The following CPED1 variants were observed in gnomAD, a reference collection of about 807,000 sequenced individuals.
CPED1 encodes cadherin-like and PC-esterase domain-containing protein 1.
Under a neutral mutation model 128.2 loss-of-function variants are expected in CPED1, and 114 were observed. That is an observed-to-expected ratio of 0.89 (90% CI 0.76 to 1.04). The LOEUF is 1.04. Among genes scored for constraint, CPED1 ranks in the 50% least tolerant of loss-of-function variants. The probability of loss-of-function intolerance (pLI) is 0.00; values close to 1 mark genes in which losing one functional copy is unlikely to be tolerated. For missense variants in CPED1, 1,211 were observed against 1,207.1 expected (o/e 1.00, Z -0.05); for synonymous variants, 462 against 426.7 (o/e 1.08, Z -1.02).
At chr7:121,180,189 T>C (rs1226929924) in intron 16 of CPED1, among the ~76,000 whole-genome samples, 1 of 152,040 alleles carries the variant, frequency 6.6e-6, no homozygotes, top group African/African-American at 2.4e-5. Flanking sequence ...CTGCAAGAGA[T>C]GTGTGTGATG....
At position 121,124,329 on chromosome 7, in the gene CPED1, A is replaced by G; in HGVS notation, c.919-2A>G. On this transcript the variant is annotated splice_acceptor_variant, in intron 7 of 22. Transcript: ENST00000310396. LOFTEE classifies it high-confidence loss of function. The stretch of plus-strand genomic sequence containing the variant: ...CACGTGAATCCTTTACTTTGTTCAC[A>G]GCTGCAAACATTTTTTGAGACATTC... 1 of 1,604,286 alleles carries G rather than the reference A, an allele frequency of 6.2e-7. No individual in the cohort carries two copies. Among genetic ancestry groups the G allele is most frequent in the Non-Finnish European group, 8.5e-7 (1 of 1,176,126 alleles).
chr7:121,172,661 C>G (rs201732410), intron 16 of CPED1, among the ~76,000 whole-genome samples: 1,786 of 145,316 alleles, frequency 0.012, 20 homozygotes, highest in Non-Finnish European at 0.016. Flanking sequence ...TGGATGGATA[C>G]ATAGATAGAT....
intron 7 of CPED1, among the ~76,000 whole-genome samples, chr7:121,102,411 G>A (rs1563026422): frequency 6.6e-6 from 1 of 151,972 alleles, no homozygotes; most frequent in Non-Finnish European, 1.5e-5. Context: ...CAAGGAGAAG[G>A]GACAGAATGT....
At chr7:121,245,520 C>T (rs549472861) in intron 18 of CPED1, among the ~76,000 whole-genome samples, 16 of 152,044 alleles carry the variant, frequency 1.1e-4, no homozygotes, top group South Asian at 2.1e-4. Context: ...TAATTTTTGA[C>T]GCAGAATAGT....
At chr7:120,991,087 A>C (rs1796302729) in intron 2 of CPED1, among the ~76,000 whole-genome samples, 1 of 152,242 alleles carries the variant, frequency 6.6e-6, no homozygotes, top group South Asian at 2.1e-4. Context: ...AATAAAAGTC[A>C]ATTCAAAGCC....
At chr7:121,047,268 A>C (rs568666862) in intron 4 of CPED1, among the ~76,000 whole-genome samples, 1 of 152,340 alleles carries the variant, frequency 6.6e-6, no homozygotes, top group Admixed American at 6.5e-5. Context: ...AGTGTTGCTT[A>C]ATCTGACCAC....
chr7:121,256,111 C>CAAAAAAAAAAAAAAAAAAA lies in CPED1; in HGVS notation c.2311-10104_2311-10103insAAAAAAAAAAAAAAAAAAA, dbSNP rs1286167648. On this transcript the variant is annotated intron_variant, in intron 18 of 22. Coordinates refer to ENST00000310396, the MANE Select transcript of CPED1 (RefSeq NM_024913.5). ...CCCTAATAGTTAAAGCAATCCTAAGCAAAAAAAAAAAACAAAACAAAAAAA... is the reference window on the plus strand; with the variant it reads ...CCCTAATAGTTAAAGCAATCCTAAGCAAAAAAAAAAAAAAAAAAAAAAAAAAAAAAACAAAACAAAAAAA... Among the ~76,000 whole-genome samples the CAAAAAAAAAAAAAAAAAAA allele has an allele frequency of 4.1e-4, 14 of 34,146 alleles. 2 individuals are homozygous for CAAAAAAAAAAAAAAAAAAA. The highest frequency in any genetic ancestry group is 1.3e-3 in the African/African-American group (12 of 9,100). 22.4% of individuals were successfully genotyped at this position (34,146 alleles called of 152,430 possible).
At chr7:121,150,675 A>G (rs1467123525) in intron 16 of CPED1, among the ~76,000 whole-genome samples, 3 of 152,050 alleles carry the variant, frequency 2.0e-5, no homozygotes, top group Non-Finnish European at 4.4e-5. Flanking sequence ...CCAACAGCAT[A>G]AGTATTTCCT....
intron 22 of CPED1, among the ~76,000 whole-genome samples, chr7:121,275,051 A>G (rs904780091): frequency 2.0e-5 from 3 of 152,094 alleles, no homozygotes; most frequent in Non-Finnish European, 2.9e-5. Context: ...TTATCTTCTG[A>G]TGTTCAACTA....
At chr7:121,020,687 G>T (rs1233894749) in intron 3 of CPED1, among the ~76,000 whole-genome samples, 20 of 151,784 alleles carry the variant, frequency 1.3e-4, no homozygotes, top group African/African-American at 2.4e-5. Flanking sequence ...GCACCAAACT[G>T]GTTATTCCAC....
chr7:121,107,171 G>T (rs1794997321), intron 7 of CPED1, among the ~76,000 whole-genome samples: 1 of 152,052 alleles, frequency 6.6e-6, no homozygotes. Context: ...AAAACTCCCT[G>T]CAATCTTCCT....
chr7:121,172,889 G>A (rs145528362), intron 16 of CPED1, among the ~76,000 whole-genome samples: 33 of 152,298 alleles, frequency 2.2e-4, no homozygotes, highest in Admixed American at 6.5e-4. Flanking sequence ...GACAGATTTT[G>A]TATTGACAGC....
At chr7:121,169,857 T>A (rs1228922469) in intron 16 of CPED1, among the ~76,000 whole-genome samples, 1 of 152,228 alleles carries the variant, frequency 6.6e-6, no homozygotes, top group African/African-American at 2.4e-5. Context: ...TTTTTTACGT[T>A]GAAGGAACTG....
intron 16 of CPED1, among the ~76,000 whole-genome samples, chr7:121,191,738 T>C (rs1489592851): frequency 6.6e-6 from 1 of 152,062 alleles, no homozygotes; most frequent in South Asian, 2.1e-4. Context: ...TATTTTTAAT[T>C]GGCGAGCTCA....
rs763752333 is a variant in CPED1 at position 121,064,285 on chromosome 7, A to G, written c.588A>G (p.Gly196=). ...AGCAGCCACTTTGCAGAAAGGAAGGATTATGTCAAATAGTTAGAAGATTCC... is the reference window on the plus strand; with the variant it reads ...AGCAGCCACTTTGCAGAAAGGAAGGGTTATGTCAAATAGTTAGAAGATTCC... ...EIQQPLCRKE[G]LCQIVRRFPE... Residue 196 remains glycine (G), a synonymous_variant, in exon 5 of 23, where the codon GGA becomes GGG. Transcript: ENST00000310396. 1.2e-6 allele frequency: 2 copies of G among 1,612,484 alleles called. No individual in the cohort carries two copies. Among genetic ancestry groups the G allele is most frequent in the South Asian group, 2.2e-5 (2 of 91,034 alleles).
chr7:121,096,831 A>G (rs186480845), intron 5 of CPED1, among the ~76,000 whole-genome samples: 1 of 152,158 alleles, frequency 6.6e-6, no homozygotes, highest in Non-Finnish European at 1.5e-5. Flanking sequence ...TAAGCCAGAC[A>G]TATATTATTA....
At chr7:121,055,909 T>C (rs1440851820) in intron 4 of CPED1, among the ~76,000 whole-genome samples, 2 of 152,052 alleles carry the variant, frequency 1.3e-5, no homozygotes, top group African/African-American at 4.8e-5. Context: ...AAATTTTGAA[T>C]GTGTTTTATC....
intron 16 of CPED1, among the ~76,000 whole-genome samples, chr7:121,153,551 G>C (rs1796207522): frequency 6.6e-6 from 1 of 152,114 alleles, no homozygotes; most frequent in Non-Finnish European, 1.5e-5. Context: ...ACACTTAAAA[G>C]GTAGATACTT....
chr7:121,015,737 A>T lies in CPED1; in HGVS notation c.322A>T (p.Ser108Cys), dbSNP rs990588889. ...CATACTCTACAGGCCTCCTTTCTAC[A>T]GCAAAACAGAGCTTCAGCTACACCA... ...RAILYRPPFY[S>C]KTELQLHQHI... The change falls in exon 3 of 23, where the codon AGC becomes TGC. Residue 108 changes from serine (S) to cysteine (C), a missense_variant. Coordinates refer to ENST00000310396, the MANE Select transcript of CPED1 (RefSeq NM_024913.5). The T allele has an allele frequency of 1.2e-6, 2 of 1,611,826 alleles. No homozygotes were observed. The highest frequency in any genetic ancestry group is 3.4e-5 in the Admixed American group (2 of 59,344).
Sources: gnomAD v4.1 joint callset for allele counts (sites outside exome capture counted in the v4.1 genomes callset) on GRCh38, gnomAD v4.1.1 for gene constraint, MANE v1.5 for transcripts, NCBI Gene and HGNC (gene_info 2026-07-23, HGNC 2026-07-21) for gene names.